The following WDFY4 variants were observed in gnomAD, a reference collection of about 807,000 sequenced individuals.
WDFY4 encodes WD repeat- and FYVE domain-containing protein 4.
Under a neutral mutation model 351.9 loss-of-function variants are expected in WDFY4, and 169 were observed. That is an observed-to-expected ratio of 0.48 (90% CI 0.42 to 0.55). The LOEUF is 0.55. Ranked by LOEUF, WDFY4 falls within the 20% of genes least tolerant of loss-of-function variation. WDFY4 has a pLI of 0.00. For synonymous variants in WDFY4, 1,622 were observed against 1,574.6 expected (o/e 1.03, Z -0.71); for missense variants, 3,803 against 3,935.6 (o/e 0.97, Z 0.90).
intron 39 of WDFY4, among the ~76,000 whole-genome samples, chr10:48,863,154 A>G (rs1564427193): frequency 6.6e-6 from 1 of 152,240 alleles, no homozygotes; most frequent in South Asian, 2.1e-4. Context: ...TAATATTGCT[A>G]TAAACATTCA....
At chr10:48,866,650 A>C in intron 39 of WDFY4, among the ~76,000 whole-genome samples, 1 of 152,198 alleles carries the variant, frequency 6.6e-6, no homozygotes, top group East Asian at 1.9e-4. Flanking sequence ...CTGCTGTCTT[A>C]GAGCAGATTG....
At chr10:48,833,952 G>A (rs1311502778) in intron 39 of WDFY4, among the ~76,000 whole-genome samples, 1 of 152,226 alleles carries the variant, frequency 6.6e-6, no homozygotes, top group Non-Finnish European at 1.5e-5. Flanking sequence ...TGCCCAGGCA[G>A]CCGAGGAAAA....
At chr10:48,840,556 T>C (rs1056856322) in intron 39 of WDFY4, among the ~76,000 whole-genome samples, 3 of 152,120 alleles carry the variant, frequency 2.0e-5, no homozygotes, top group African/African-American at 7.2e-5. Flanking sequence ...CATCCCATTG[T>C]GCAAGCAATT....
At chr10:48,838,565 T>TG (rs2068485955) in intron 39 of WDFY4, among the ~76,000 whole-genome samples, 1 of 151,594 alleles carries the variant, frequency 6.6e-6, no homozygotes, top group Non-Finnish European at 1.5e-5. Flanking sequence ...ATTATCTTTT[T>TG]GAAAAAAAAA....
intron 47 of WDFY4, among the ~76,000 whole-genome samples, chr10:48,933,036 G>C (rs923606552): frequency 3.3e-5 from 5 of 152,174 alleles, no homozygotes; most frequent in Non-Finnish European, 7.3e-5. Context: ...AGGCAGCAGA[G>C]GCAGGGAAGG....
chr10:48,763,992 CAG>C (rs1173454834), intron 13 of WDFY4, among the ~76,000 whole-genome samples: 1 of 152,202 alleles, frequency 6.6e-6, no homozygotes, highest in African/African-American at 2.4e-5. Context: ...GGAAATGGAG[CAG>C]AGAGTTTCAG....
intron 36 of WDFY4, 56 bp downstream of exon 36, chr10:48,826,965 A>T: frequency 7.0e-7 from 1 of 1,424,338 alleles, no homozygotes; most frequent in Non-Finnish European, 9.6e-7. Context: ...GAAAGGAGAG[A>T]TTTAGAGGAA....
At chr10:48,851,904 G>A (rs2068969250) in intron 39 of WDFY4, among the ~76,000 whole-genome samples, 2 of 152,248 alleles carry the variant, frequency 1.3e-5, no homozygotes, top group African/African-American at 4.8e-5. Flanking sequence ...GAGGCACTGG[G>A]AGAGCAGGGC....
At position 48,971,418 on chromosome 10, in the gene WDFY4, C is replaced by T. The variant is rs562926184; in HGVS notation, c.8928+1129C>T. 1.7e-4 allele frequency among the ~76,000 whole-genome samples: 26 copies of T among 152,034 alleles called. No individual in the cohort carries two copies. The South Asian group carries it at 3.8e-3, about 22-fold the overall frequency. Reference sequence around the variant, plus strand: ...GACTGAGGCAGGAGAATGGCGTGAACCCGGGAGGCGGAGCTTGCAGTGAGC... The same window carrying T: ...GACTGAGGCAGGAGAATGGCGTGAATCCGGGAGGCGGAGCTTGCAGTGAGC... On this transcript the variant is annotated intron_variant, in intron 57 of 61. Coordinates refer to ENST00000325239, the MANE Select transcript of WDFY4 (RefSeq NM_001394531.1).
intron 11 of WDFY4, among the ~76,000 whole-genome samples, chr10:48,742,038 GC>G (rs879804529): frequency 5.9e-5 from 9 of 152,000 alleles, no homozygotes; most frequent in Admixed American, 3.3e-4. Context: ...CTTAAATGTA[GC>G]CCCCCCTCCC....
intron 30 of WDFY4, among the ~76,000 whole-genome samples, chr10:48,812,075 C>T (rs766871925): frequency 6.6e-6 from 1 of 152,228 alleles, no homozygotes; most frequent in Non-Finnish European, 1.5e-5. Flanking sequence ...CATCTTCTTG[C>T]CCCTGTTGCT....
At chr10:48,897,411 CTGA>C (rs1317292075) in intron 44 of WDFY4, 40 bp from the exon 45 acceptor site, 1 of 1,540,886 alleles carries the variant, frequency 6.5e-7, no homozygotes, top group Non-Finnish European at 8.8e-7. Flanking sequence ...TGTCCTCACT[CTGA>C]TGTCTGAACA....
At chr10:48,835,591 T>A (rs1381124015) in intron 39 of WDFY4, among the ~76,000 whole-genome samples, 1 of 152,118 alleles carries the variant, frequency 6.6e-6, no homozygotes, top group Non-Finnish European at 1.5e-5. Context: ...AGAGCAGAAA[T>A]TTTGCAACAG....
chr10:48,801,453 C>G (rs534182947), intron 24 of WDFY4: 11 of 453,050 alleles, frequency 2.4e-5, no homozygotes, highest in African/African-American at 2.2e-4. Flanking sequence ...TGTTGAATGA[C>G]TGCCTTCATG....
rs2064450641 is a variant in WDFY4, at chr10:48,731,284, A to C, written c.1304A>C (p.Glu435Ala). ...CTGCAGCCCATCTCGCAGTTTGTAG[A>C]GATCATGCCCCTGAAGCCGGCCCCA... ...WTLQPISQFV[E>A]IMPLKPAPVQ... Residue 435 changes from glutamate to alanine, a missense_variant, in exon 9 of 62, where the codon GAG becomes GCG. Physicochemically the swap from Glu to Ala is moderately radical, Grantham distance 107. Coordinates refer to ENST00000325239, the MANE Select transcript of WDFY4 (RefSeq NM_001394531.1). 1 of 1,551,948 alleles carries C rather than the reference A, an allele frequency of 6.4e-7. No homozygotes were observed. The highest frequency in any genetic ancestry group is 1.4e-5 in the African/African-American group (1 of 73,174).
At chr10:48,799,222 A>C (rs1168692101) in intron 24 of WDFY4, among the ~76,000 whole-genome samples, 1 of 152,252 alleles carries the variant, frequency 6.6e-6, no homozygotes, top group Admixed American at 6.5e-5. Flanking sequence ...GGTGCTTTTA[A>C]AGCTGGATTT....
At chr10:48,803,744 A>T (rs780093147) in intron 25 of WDFY4, among the ~76,000 whole-genome samples, 23 of 152,260 alleles carry the variant, frequency 1.5e-4, no homozygotes, top group Non-Finnish European at 3.4e-4. Flanking sequence ...AGAGAAGGAA[A>T]GAAGGAAGGG....
At chr10:48,933,626 A>G (rs1840167874) in intron 47 of WDFY4, among the ~76,000 whole-genome samples, 1 of 152,106 alleles carries the variant, frequency 6.6e-6, no homozygotes, top group African/African-American at 2.4e-5. Context: ...AGAAGCATGC[A>G]TGTGTTATTA....
Position 48,744,665 on chromosome 10 carries a change from C to T in WDFY4, c.2459+1117C>T, listed in dbSNP as rs1003288460. Among the ~76,000 whole-genome samples, 11 of 152,164 alleles carry T rather than the reference C, an allele frequency of 7.2e-5. No individual in the cohort carries two copies. The East Asian group carries it at 9.6e-4, about 13-fold the overall frequency. ...AGAGTTTATGTAGATTGTTTATTTC[C>T]GTTCCCTAGCTAATGTGACAGAACT... On this transcript the variant is annotated intron_variant, in intron 12 of 61. Coordinates refer to ENST00000325239, the MANE Select transcript of WDFY4 (RefSeq NM_001394531.1).
Sources: allele counts gnomAD v4.1 joint callset (sites outside exome capture counted in the v4.1 genomes callset), GRCh38; gene constraint gnomAD v4.1.1; transcripts MANE v1.5; gene names NCBI Gene and HGNC (gene_info 2026-07-23, HGNC 2026-07-21).